The following PCDH15 variants were observed in gnomAD, a reference collection of about 807,000 sequenced individuals.
PCDH15 encodes the protein protocadherin related 15.
PCDH15 carries 129 observed loss-of-function variants against 178.5 expected under a neutral mutation model. The ratio of observed to expected loss-of-function variants is 0.72; its 90% CI spans 0.63 to 0.84. The LOEUF is 0.84. Among genes scored for constraint, PCDH15 ranks in the 40% least tolerant of loss-of-function variants. The probability of loss-of-function intolerance (pLI) is 0.00; values close to 1 mark genes in which losing one functional copy is unlikely to be tolerated. For missense variants in PCDH15, 2,230 were observed against 2,099.9 expected, an observed-to-expected ratio of 1.06 and a Z score of -1.21; for synonymous variants, 800 against 732.0, an observed-to-expected ratio of 1.09 and a Z score of -1.50.
chr10:55,566,448 A>T (rs1842303898), intron 2 of PCDH15, among the ~76,000 whole-genome samples: 1 of 151,732 alleles, frequency 6.6e-6, no homozygotes, highest in South Asian at 2.1e-4. Flanking sequence ...TATAGTACTA[A>T]AAGATCTGGC....
chr10:55,094,929 C>CTTT lies in PCDH15; in HGVS notation c.-80+71644_-80+71646dup, dbSNP rs60073886. Among the ~76,000 whole-genome samples, 276 of 130,352 alleles carry CTTT rather than the reference C, an allele frequency of 2.1e-3. 4 individuals are homozygous for CTTT. The highest frequency in any genetic ancestry group is 8.7e-3 in the South Asian group (35 of 4,030). The allele number at this position is 130,352 out of a possible 152,430, so 85.5% of individuals were successfully genotyped here. A position where few individuals can be genotyped will look rare whatever the true frequency, so the allele number is the denominator to read the frequency against. On this transcript the variant is annotated intron_variant, in intron 2 of 5. Transcript: ENST00000458638. ...AAAAAACAAACTCTATATCCAAATTCTTTTTTTTTTTTTTTTTTATCTCAC... is the reference window on the plus strand; with the variant it reads ...AAAAAACAAACTCTATATCCAAATTCTTTTTTTTTTTTTTTTTTTTTATCTCAC...
chr10:54,066,681 T>C, intron 18 of PCDH15, 76 bp downstream of exon 18: 2 of 1,478,106 alleles, frequency 1.4e-6, no homozygotes, highest in Non-Finnish European at 1.9e-6. Context: ...GCTGAGTTTC[T>C]TTTGAGAATT....
intron 15 of PCDH15, among the ~76,000 whole-genome samples, chr10:54,126,595 T>A (rs867067749): frequency 1.1e-4 from 16 of 152,110 alleles, no homozygotes; most frequent in African/African-American, 3.4e-4. Flanking sequence ...GTATGATCCC[T>A]TAATTAATTT....
chr10:54,715,367 A>G (rs1591232365), intron 1 of PCDH15, among the ~76,000 whole-genome samples: 1 of 152,172 alleles, frequency 6.6e-6, no homozygotes, highest in Non-Finnish European at 1.5e-5. Flanking sequence ...TCGCCCATGC[A>G]CTTGTTGCAG....
In PCDH15 at chr10:55,559,738, G is replaced by A. The variant is rs531314399; in HGVS notation, c.-156+67887C>T. ...GTTAACTGAACCAAAATTTCTGCCA[G>A]CAGAATTCAGTCTTACACATGTAGA... On this transcript the variant is annotated intron_variant, in intron 2 of 5. Coordinates refer to the PCDH15 transcript ENST00000613346. 5.9e-5 allele frequency among the ~76,000 whole-genome samples: 9 copies of A among 151,852 alleles called. No individual in the cohort carries two copies. The South Asian group carries it at 1.5e-3, about 25-fold the overall frequency.
At chr10:53,994,682 T>C (rs1178360847) in intron 21 of PCDH15, 1 of 152,124 alleles carries the variant, frequency 6.6e-6, no homozygotes, top group Non-Finnish European at 1.5e-5. Context: ...TTTAACACAC[T>C]TAAGAAAAGG....
chr10:55,135,520 C>T (rs1838167214), intron 2 of PCDH15, among the ~76,000 whole-genome samples: 1 of 151,816 alleles, frequency 6.6e-6, no homozygotes, highest in Admixed American at 6.6e-5. Flanking sequence ...GGGAGCCTTC[C>T]CTGGTCTCCC....
Position 55,113,258 on chromosome 10 carries a change from T to C in PCDH15, c.-80+53318A>G, listed in dbSNP as rs61850905. ...ATAACTATTGTTAAAGTCCATAATT[T>C]ATTCATATTTTCTTGGTGTTTTCCC... On this transcript the variant is annotated intron_variant, in intron 2 of 5. Coordinates refer to the PCDH15 transcript ENST00000458638. Among the ~76,000 whole-genome samples, 586 of 152,324 alleles carry C rather than the reference T, an allele frequency of 3.8e-3. 3 individuals are homozygous for C. Among genetic ancestry groups the C allele is most frequent in the Middle Eastern group, 0.024 (7 of 294 alleles).
At position 55,297,170 on chromosome 10, in the gene PCDH15, T is replaced by A. The variant is rs544205249; in HGVS notation, c.-156+22429A>T. Among the ~76,000 whole-genome samples, 9 of 151,910 alleles carry A rather than the reference T, an allele frequency of 5.9e-5. No individual in the cohort carries two copies. The South Asian group carries it at 1.9e-3, about 32-fold the overall frequency. The stretch of plus-strand genomic sequence containing the variant: ...ATAAATAAGAACATTATACAGTATG[T>A]TAGAAAAAAAATACCCTAAAGAAAG... On this transcript the variant is annotated intron_variant, in intron 1 of 5. Coordinates refer to the PCDH15 transcript ENST00000458638.
At chr10:55,220,424 A>G (rs964064876) in intron 1 of PCDH15, among the ~76,000 whole-genome samples, 15 of 152,082 alleles carry the variant, frequency 9.9e-5, no homozygotes, top group African/African-American at 3.6e-4. Context: ...AAAGATATAC[A>G]GTCATGTGTC....
chr10:54,280,400 T>C (rs2058619246), intron 8 of PCDH15, among the ~76,000 whole-genome samples: 1 of 151,616 alleles, frequency 6.6e-6, no homozygotes, highest in South Asian at 2.1e-4. Context: ...CTCTGCTTCA[T>C]ATTTCCTTCT....
intron 2 of PCDH15, among the ~76,000 whole-genome samples, chr10:55,571,621 T>C (rs752924536): frequency 3.3e-5 from 5 of 152,050 alleles, no homozygotes; most frequent in Non-Finnish European, 5.9e-5. Flanking sequence ...AACTAATCTT[T>C]CAAAATCTGT....
intron 1 of PCDH15, among the ~76,000 whole-genome samples, chr10:54,702,931 G>A (rs1222330925): frequency 6.6e-6 from 1 of 151,884 alleles, no homozygotes; most frequent in African/African-American, 2.4e-5. Context: ...CTTCAAGCCA[G>A]TATTCTTGAT....
At chr10:53,927,030 C>CA (rs1353689233) in intron 25 of PCDH15, among the ~76,000 whole-genome samples, 1 of 151,718 alleles carries the variant, frequency 6.6e-6, no homozygotes, top group East Asian at 1.9e-4. Flanking sequence ...GGCCATGTGA[C>CA]AAAAAAACAG....
chr10:54,058,108 G>T (rs559244222), intron 18 of PCDH15, among the ~76,000 whole-genome samples: 1 of 152,130 alleles, frequency 6.6e-6, no homozygotes, highest in East Asian at 1.9e-4. Flanking sequence ...AAGTCTCTAG[G>T]AAGTACCAAA....
chr10:54,847,144 A>G (rs1564564714), intron 3 of PCDH15, among the ~76,000 whole-genome samples: 1 of 152,150 alleles, frequency 6.6e-6, no homozygotes, highest in Non-Finnish European at 1.5e-5. Context: ...AATATGTGAA[A>G]AATGCATAGA....
intron 2 of PCDH15, among the ~76,000 whole-genome samples, chr10:54,919,990 C>A (rs1490261781): frequency 6.6e-6 from 1 of 152,062 alleles, no homozygotes; most frequent in Non-Finnish European, 1.5e-5. Flanking sequence ...GAACTGTAGC[C>A]CTCATTCTTC....
At chr10:54,943,785 T>TA (rs893205148) in intron 2 of PCDH15, among the ~76,000 whole-genome samples, 5 of 151,328 alleles carry the variant, frequency 3.3e-5, no homozygotes, top group African/African-American at 1.2e-4. Context: ...TTTTTGATCT[T>TA]AAAAAAAGCA....
intron 1 of PCDH15, among the ~76,000 whole-genome samples, chr10:55,212,848 C>CA (rs989199617): frequency 1.3e-5 from 2 of 152,078 alleles, no homozygotes; most frequent in Admixed American, 1.3e-4. Flanking sequence ...ACTTTCTATT[C>CA]AAAATCTATC....
Sources: allele counts gnomAD v4.1 joint callset (sites outside exome capture counted in the v4.1 genomes callset), GRCh38; gene constraint gnomAD v4.1.1; transcripts MANE v1.5; gene names NCBI Gene and HGNC (gene_info 2026-07-23, HGNC 2026-07-21).